Variants in DCDC1 observed in about 807,000 individuals in gnomAD.
DCDC1 encodes the protein doublecortin domain-containing protein 1.
Under a neutral mutation model 178.3 loss-of-function variants are expected in DCDC1, and 200 were observed. The ratio of observed to expected loss-of-function variants is 1.12; its 90% CI spans 1.00 to 1.26. The LOEUF is 1.26. Among genes scored for constraint, DCDC1 ranks in the 50% most tolerant of loss-of-function variants. The pLI is 0.00. For synonymous variants in DCDC1, 690 were observed against 604.8 expected (o/e 1.14, Z -2.07); for missense variants, 1,983 against 1,749.2 (o/e 1.13, Z -2.38).
intron 9 of DCDC1, among the ~76,000 whole-genome samples, chr11:31,212,147 A>C (rs1972621282): frequency 6.6e-6 from 1 of 152,118 alleles, no homozygotes; most frequent in Non-Finnish European, 1.5e-5. Flanking sequence ...CAATGTAAAT[A>C]AACGAATTAA....
intron 16 of DCDC1, among the ~76,000 whole-genome samples, chr11:31,092,086 A>AT (rs1277388311): frequency 6.6e-6 from 1 of 152,170 alleles, no homozygotes; most frequent in Non-Finnish European, 1.5e-5. Context: ...TCAACACAAC[A>AT]TTTTTTATAA....
intron 18 of DCDC1, among the ~76,000 whole-genome samples, chr11:31,065,451 T>G (rs1248534920): frequency 6.6e-6 from 1 of 152,188 alleles, no homozygotes; most frequent in Non-Finnish European, 1.5e-5. Context: ...TTTATTGAGT[T>G]ATTTCTAGAT....
chr11:30,972,485 CAA>C (rs962289081), intron 20 of DCDC1, among the ~76,000 whole-genome samples: 8 of 151,988 alleles, frequency 5.3e-5, no homozygotes, highest in African/African-American at 1.9e-4. Flanking sequence ...CACTTGGAAA[CAA>C]GAGGATGATA....
At chr11:31,259,420 A>C (rs146344396) in intron 8 of DCDC1, among the ~76,000 whole-genome samples, 121 of 152,284 alleles carry the variant, frequency 7.9e-4, no homozygotes, top group African/African-American at 2.8e-3. Context: ...TTGAAACATT[A>C]TACCTTATAT....
chr11:30,944,025 T>C (rs1291412289), intron 21 of DCDC1: 2 of 259,172 alleles, frequency 7.7e-6, no homozygotes, highest in Non-Finnish European at 1.5e-5. Flanking sequence ...CTCAGGGTGT[T>C]GTTTGTTAGA....
chr11:31,129,071 C>G (rs1962058287), intron 10 of DCDC1, among the ~76,000 whole-genome samples: 1 of 152,032 alleles, frequency 6.6e-6, no homozygotes, highest in Admixed American at 6.6e-5. Context: ...ATTTGCCCCG[C>G]CTATATTCTA....
At chr11:31,348,188 T>C (rs1950905144) in intron 1 of DCDC1, among the ~76,000 whole-genome samples, 1 of 152,238 alleles carries the variant, frequency 6.6e-6, no homozygotes, top group Admixed American at 6.5e-5. Flanking sequence ...CTATCTATCA[T>C]CAAAATTTCT....
At chr11:31,224,697 G>T (rs1293924993) in intron 9 of DCDC1, among the ~76,000 whole-genome samples, 1 of 151,940 alleles carries the variant, frequency 6.6e-6, no homozygotes, top group Non-Finnish European at 1.5e-5. Flanking sequence ...GGTGGGAAAA[G>T]GACATAAATA....
chr11:31,195,783 C>T (rs1220430465), intron 9 of DCDC1, among the ~76,000 whole-genome samples: 6 of 151,604 alleles, frequency 4.0e-5, no homozygotes, highest in African/African-American at 1.5e-4. Flanking sequence ...TTTTTACCTT[C>T]GTGTACCTCG....
At chr11:31,310,711 GC>G (rs1948724292) in intron 3 of DCDC1, among the ~76,000 whole-genome samples, 1 of 152,094 alleles carries the variant, frequency 6.6e-6, no homozygotes, top group Admixed American at 6.6e-5. Context: ...CCCTTGCAAA[GC>G]CAACTTGTCC....
At chr11:30,929,942 C>T (rs1388644853) in intron 22 of DCDC1, among the ~76,000 whole-genome samples, 1 of 151,772 alleles carries the variant, frequency 6.6e-6, no homozygotes, top group Non-Finnish European at 1.5e-5. Context: ...ATGAAAGAAC[C>T]AATAACAACA....
intron 3 of DCDC1, among the ~76,000 whole-genome samples, chr11:31,325,939 C>T (rs1402068475): frequency 6.6e-6 from 1 of 152,054 alleles, no homozygotes; most frequent in Non-Finnish European, 1.5e-5. Context: ...AGAAAATTGC[C>T]TCTCTCTGAT....
At chr11:30,920,972 T>G (rs772983528) in intron 24 of DCDC1, 37 bp from the exon 25 acceptor site, 2 of 1,574,420 alleles carry the variant, frequency 1.3e-6, no homozygotes, top group African/African-American at 2.7e-5. Flanking sequence ...GACATATTAC[T>G]TACAATTGCA....
intron 17 of DCDC1, among the ~76,000 whole-genome samples, chr11:31,087,918 A>G (rs1459793466): frequency 2.0e-5 from 3 of 152,056 alleles, no homozygotes; most frequent in Non-Finnish European, 4.4e-5. Context: ...ACAGGGTATT[A>G]TTGTTGCTCA....
At chr11:30,944,394 C>G in intron 21 of DCDC1, 2 of 454,174 alleles carry the variant, frequency 4.4e-6, no homozygotes, top group Non-Finnish European at 8.8e-6. Flanking sequence ...AAACTTAAAT[C>G]CGGTATAAAA....
At chr11:31,116,030 T>G (rs1959903689) in intron 11 of DCDC1, among the ~76,000 whole-genome samples, 1 of 123,124 alleles carries the variant, frequency 8.1e-6, no homozygotes, top group Non-Finnish European at 1.7e-5. Context: ...ATCTGGGCAG[T>G]GTGGCACAGC....
chr11:31,002,193 G>C (rs919678032), intron 20 of DCDC1, among the ~76,000 whole-genome samples: 1 of 152,110 alleles, frequency 6.6e-6, no homozygotes, highest in African/African-American at 2.4e-5. Context: ...TTTATCTTCA[G>C]GTAGTATAAT....
intron 14 of DCDC1, 29 bp from the exon 15 acceptor site, chr11:31,102,311 T>C (rs761935534): frequency 3.7e-5 from 24 of 648,858 alleles, no homozygotes; most frequent in Non-Finnish European, 6.6e-5. Flanking sequence ...GTAATTATTT[T>C]TATTAGAATA....
intron 38 of DCDC1, among the ~76,000 whole-genome samples, chr11:30,869,981 G>A (rs1459014912): frequency 7.2e-5 from 11 of 152,126 alleles, no homozygotes; most frequent in Non-Finnish European, 1.3e-4. Flanking sequence ...CTGGGGGTGG[G>A]GGTGTGTGCA....
Sources: allele counts gnomAD v4.1 joint callset (sites outside exome capture counted in the v4.1 genomes callset), GRCh38; gene constraint gnomAD v4.1.1; transcripts MANE v1.5; gene names NCBI Gene and HGNC (gene_info 2026-07-23, HGNC 2026-07-21).